The following CDH13 variants were observed in gnomAD, a reference collection of about 807,000 sequenced individuals.
CDH13 encodes cadherin-13.
A neutral mutation model predicts 63.8 loss-of-function variants in CDH13; 24 were observed. That is an observed-to-expected ratio of 0.38 (90% CI 0.27 to 0.53). CDH13 has a LOEUF of 0.53. Among genes scored for constraint, CDH13 ranks in the 20% least tolerant of loss-of-function variants. The pLI, the probability that CDH13 is intolerant of heterozygous loss-of-function variation, is 0.85. For missense variants in CDH13, 1,049 were observed against 903.1 expected, an observed-to-expected ratio of 1.16 and a Z score of -2.07; for synonymous variants, 503 against 355.3, an observed-to-expected ratio of 1.42 and a Z score of -4.67.
chr16:82,949,707 C>G (rs938971966), intron 2 of CDH13, among the ~76,000 whole-genome samples: 1 of 152,054 alleles, frequency 6.6e-6, no homozygotes, highest in South Asian at 2.1e-4. Context: ...TTGTTTTTCT[C>G]AACACATTCT....
intron 3 of CDH13, among the ~76,000 whole-genome samples, chr16:83,053,958 T>A (rs1465924629): frequency 6.6e-6 from 1 of 152,196 alleles, no homozygotes; most frequent in Non-Finnish European, 1.5e-5. Context: ...GTGATGGTGA[T>A]CTCATAAAAT....
At chr16:82,851,421 T>G (rs186585595) in intron 1 of CDH13, among the ~76,000 whole-genome samples, 1 of 125,536 alleles carries the variant, frequency 8.0e-6, no homozygotes. Flanking sequence ...GGTGACAGAG[T>G]GAGATTTCGT....
intron 6 of CDH13, among the ~76,000 whole-genome samples, chr16:83,413,577 T>G (rs2092158069): frequency 6.6e-6 from 1 of 152,216 alleles, no homozygotes; most frequent in African/African-American, 2.4e-5. Flanking sequence ...CAGTCAAGAT[T>G]ATTAAAATAT....
chr16:82,984,803 A>G (rs531321743), intron 2 of CDH13, among the ~76,000 whole-genome samples: 40 of 152,336 alleles, frequency 2.6e-4, no homozygotes, highest in African/African-American at 9.6e-4. Flanking sequence ...CACACATACT[A>G]TGCTATGTGT....
intron 7 of CDH13, among the ~76,000 whole-genome samples, chr16:83,528,309 A>T (rs2075007530): frequency 6.6e-6 from 1 of 152,240 alleles, no homozygotes; most frequent in Non-Finnish European, 1.5e-5. Flanking sequence ...TAAATGGGAA[A>T]CTGTATTTAG....
rs370785535 is a variant in CDH13, at chr16:83,350,761, G to A, written c.781+5755G>A. ...TAGTTGTATGGGAGGCTCATCTCGG[G>A]AGGGGCCAAACCTAGTCTTGTAGTG... On this transcript the variant is annotated intron_variant, in intron 6 of 13. Coordinates refer to ENST00000567109, the MANE Select transcript of CDH13 (RefSeq NM_001257.5). Among the ~76,000 whole-genome samples the A allele has an allele frequency of 3.5e-4, 54 of 152,310 alleles. No individual in the cohort carries two copies. In the South Asian group the frequency reaches 0.011, roughly 30 times the overall value.
chr16:83,253,507 G>A lies in CDH13; in HGVS notation c.636+36010G>A, dbSNP rs1309002933. On this transcript the variant is annotated intron_variant, in intron 5 of 13. Transcript: ENST00000567109. The stretch of plus-strand genomic sequence containing the variant: ...TCGCCACAAGATACCTGTGCCTTCT[G>A]CCATTAAGCAGGTCTGACAACGTGA... 2.0e-5 allele frequency among the ~76,000 whole-genome samples: 3 copies of A among 152,214 alleles called. No homozygotes were observed. In the East Asian group the frequency reaches 5.8e-4, roughly 29 times the overall value.
chr16:83,645,696 A>G lies in CDH13; in HGVS notation c.1102-25094A>G, dbSNP rs569827699. 8.1e-4 allele frequency among the ~76,000 whole-genome samples: 123 copies of G among 151,978 alleles called. 1 individual carries two copies. Among genetic ancestry groups the G allele is most frequent in the African/African-American group, 2.8e-3 (116 of 41,412 alleles). ...CAGAGCACTATGCTGACTCCCAGAA[A>G]GGCCACATGAGAAGAACTTGCTAGC... is the stretch of plus-strand genomic sequence containing the variant. On this transcript the variant is annotated intron_variant, in intron 8 of 13. Transcript: ENST00000567109.
At chr16:82,996,529 T>C (rs1228271165) in intron 2 of CDH13, among the ~76,000 whole-genome samples, 1 of 152,194 alleles carries the variant, frequency 6.6e-6, no homozygotes, top group Non-Finnish European at 1.5e-5. Flanking sequence ...TTGGATTTGC[T>C]GCAGAGTCAG....
chr16:82,755,196 C>G (rs573807804), intron 1 of CDH13, among the ~76,000 whole-genome samples: 2 of 152,212 alleles, frequency 1.3e-5, no homozygotes, highest in African/African-American at 2.4e-5. Flanking sequence ...GCCTGCAGCC[C>G]TACTCCATGT....
intron 1 of CDH13, among the ~76,000 whole-genome samples, chr16:82,807,258 G>T (rs2037191828): frequency 6.6e-6 from 1 of 152,096 alleles, no homozygotes; most frequent in African/African-American, 2.4e-5. Flanking sequence ...TTTAATCCCT[G>T]TGAACAAACA....
intron 1 of CDH13, among the ~76,000 whole-genome samples, chr16:82,710,605 T>G (rs1219926045): frequency 7.3e-6 from 1 of 137,734 alleles, no homozygotes; most frequent in Non-Finnish European, 1.6e-5. Context: ...ATAAAATATA[T>G]AAAGTATATA....
chr16:83,216,227 CGACA>C (rs760567096), intron 4 of CDH13, among the ~76,000 whole-genome samples: 6 of 150,722 alleles, frequency 4.0e-5, no homozygotes, highest in Non-Finnish European at 8.9e-5. Context: ...AATTCAGAAA[CGACA>C]GTGTTGTATG....
At chr16:83,494,815 G>T (rs190773456) in intron 7 of CDH13, among the ~76,000 whole-genome samples, 97 of 152,244 alleles carry the variant, frequency 6.4e-4, no homozygotes, top group African/African-American at 2.0e-3. Flanking sequence ...TATCTCATTT[G>T]CTGTGCCTTT....
chr16:82,658,167 G>A (rs1330205392), intron 1 of CDH13, among the ~76,000 whole-genome samples: 1 of 152,172 alleles, frequency 6.6e-6, no homozygotes, highest in Non-Finnish European at 1.5e-5. Flanking sequence ...ATGTGCATGT[G>A]ATATCTATTG....
intron 9 of CDH13, among the ~76,000 whole-genome samples, chr16:83,671,524 C>G (rs773573851): frequency 5.3e-5 from 8 of 152,194 alleles, no homozygotes; most frequent in Non-Finnish European, 1.2e-4. Context: ...GCTGGAGTTA[C>G]AAGTGTGAGC....
At chr16:83,777,762 C>G (rs9921055) in intron 11 of CDH13, among the ~76,000 whole-genome samples, 10,302 of 152,264 alleles carry the variant, frequency 0.068, 1,229 homozygotes, top group African/African-American at 0.24. Flanking sequence ...CCTTCTAACC[C>G]CCGTGTAACC....
At chr16:83,282,719 T>TG (rs2089210645) in intron 5 of CDH13, among the ~76,000 whole-genome samples, 1 of 152,178 alleles carries the variant, frequency 6.6e-6, no homozygotes, top group African/African-American at 2.4e-5. Context: ...TCCAGTGCCT[T>TG]GAGAGAATAA....
At chr16:83,460,819 G>A (rs1598073365) in intron 6 of CDH13, among the ~76,000 whole-genome samples, 3 of 147,024 alleles carry the variant, frequency 2.0e-5, no homozygotes, top group Non-Finnish European at 1.5e-5. Context: ...GCAACATAGC[G>A]AGATGTTGTC....
Sources: gnomAD v4.1 joint callset for allele counts (sites outside exome capture counted in the v4.1 genomes callset) on GRCh38, gnomAD v4.1.1 for gene constraint, MANE v1.5 for transcripts, NCBI Gene and HGNC (gene_info 2026-07-23, HGNC 2026-07-21) for gene names.